Variants in RBFOX1 observed in about 807,000 individuals in gnomAD.
RBFOX1 encodes RNA binding fox-1 homolog 1, also known as RNA binding protein fox-1 homolog 1.
A neutral mutation model predicts 57.7 loss-of-function variants in RBFOX1; 8 were observed. That is an observed-to-expected ratio of 0.14 (90% confidence interval 0.08 to 0.25). The LOEUF is 0.25. Among genes scored for constraint, RBFOX1 ranks in the 10% least tolerant of loss-of-function variants. The pLI is 1.00. For synonymous variants in RBFOX1, 326 were observed against 222.4 expected (o/e 1.47, Z -4.15); for missense variants, 611 against 548.5 (o/e 1.11, Z -1.14).
intron 3 of RBFOX1, among the ~76,000 whole-genome samples, chr16:5,757,837 G>C (rs973440688): frequency 2.6e-5 from 4 of 152,172 alleles, no homozygotes; most frequent in African/African-American, 9.7e-5. Context: ...CTGGGCTCAT[G>C]CTTCTACTAC....
chr16:6,400,425 G>A (rs1231944567), intron 2 of RBFOX1, among the ~76,000 whole-genome samples: 2 of 152,162 alleles, frequency 1.3e-5, no homozygotes, highest in African/African-American at 4.8e-5. Flanking sequence ...CAAGGCTTAT[G>A]GGATCCGGCT....
At chr16:5,736,219 G>T (rs1037781464) in intron 3 of RBFOX1, among the ~76,000 whole-genome samples, 1 of 152,092 alleles carries the variant, frequency 6.6e-6, no homozygotes, top group African/African-American at 2.4e-5. Context: ...GAGCAGTGTC[G>T]AAATGAACCT....
intron 2 of RBFOX1, among the ~76,000 whole-genome samples, chr16:6,386,369 C>T (rs902319589): frequency 6.6e-6 from 1 of 152,178 alleles, no homozygotes; most frequent in Non-Finnish European, 1.5e-5. Context: ...TCTTTAACCA[C>T]TGAGTGTATT....
chr16:6,655,340 C>G (rs976867716), intron 3 of RBFOX1, among the ~76,000 whole-genome samples: 1 of 125,616 alleles, frequency 8.0e-6, no homozygotes. Context: ...CACCAGCGCA[C>G]TCCAGCCTGA....
chr16:7,494,980 A>G (rs566803502), intron 4 of RBFOX1, among the ~76,000 whole-genome samples: 2 of 152,070 alleles, frequency 1.3e-5, no homozygotes, highest in Admixed American at 1.3e-4. Context: ...CCTTCCTGCC[A>G]TTTTAGTAGT....
intron 3 of RBFOX1, among the ~76,000 whole-genome samples, chr16:6,863,945 C>CCTTCTCTTG (rs1397295275): frequency 6.6e-6 from 1 of 150,968 alleles, no homozygotes; most frequent in Admixed American, 6.6e-5. Flanking sequence ...CCTCCTTCTT[C>CCTTCTCTTG]CTTCTCTTGC....
chr16:6,353,499 G>C (rs975992004), intron 2 of RBFOX1, among the ~76,000 whole-genome samples: 2 of 151,876 alleles, frequency 1.3e-5, no homozygotes, highest in African/African-American at 4.8e-5. Context: ...TAAGTGTAGG[G>C]CATGGTGCTG....
chr16:7,181,944 C>T (rs1328574696), intron 4 of RBFOX1, among the ~76,000 whole-genome samples: 1 of 152,144 alleles, frequency 6.6e-6, no homozygotes, highest in Non-Finnish European at 1.5e-5. Flanking sequence ...CGTCGAAATA[C>T]AGGAAGGAAA....
At chr16:5,253,061 A>G (rs1210550557) in intron 1 of RBFOX1, among the ~76,000 whole-genome samples, 2 of 152,150 alleles carry the variant, frequency 1.3e-5, no homozygotes, top group Admixed American at 1.3e-4. Context: ...CTTAATTTTC[A>G]TCTGAAAGAC....
intron 4 of RBFOX1, among the ~76,000 whole-genome samples, chr16:7,264,156 T>G (rs961387952): frequency 6.6e-6 from 1 of 152,156 alleles, no homozygotes; most frequent in African/African-American, 2.4e-5. Context: ...TAAACTGATG[T>G]GCTAGGCTCC....
chr16:7,293,386 C>T (rs2095831890), intron 4 of RBFOX1, among the ~76,000 whole-genome samples: 1 of 152,104 alleles, frequency 6.6e-6, no homozygotes, highest in Non-Finnish European at 1.5e-5. Flanking sequence ...ACCAATCACC[C>T]ATGGATAGTG....
intron 4 of RBFOX1, among the ~76,000 whole-genome samples, chr16:7,491,922 C>T (rs1450019686): frequency 6.6e-6 from 1 of 152,188 alleles, no homozygotes; most frequent in African/African-American, 2.4e-5. Context: ...CATTGTACCA[C>T]TCCGTGTGTT....
intron 4 of RBFOX1, among the ~76,000 whole-genome samples, chr16:7,144,211 G>T (rs1201248707): frequency 6.6e-6 from 1 of 152,056 alleles, no homozygotes; most frequent in African/African-American, 2.4e-5. Context: ...TCCTCTTAAA[G>T]ATTTCCTCAT....
intron 3 of RBFOX1, among the ~76,000 whole-genome samples, chr16:6,823,685 C>G (rs944959968): frequency 6.6e-6 from 1 of 152,176 alleles, no homozygotes; most frequent in African/African-American, 2.4e-5. Flanking sequence ...CATTCTTCTT[C>G]CCTTTTTCAT....
intron 14 of RBFOX1, among the ~76,000 whole-genome samples, chr16:7,707,381 G>C (rs181870624): frequency 6.6e-6 from 1 of 152,220 alleles, no homozygotes; most frequent in East Asian, 1.9e-4. Flanking sequence ...GAGAAAGCTT[G>C]GAAGGAAAAT....
intron 3 of RBFOX1, among the ~76,000 whole-genome samples, chr16:6,671,827 G>C (rs1017658621): frequency 6.6e-6 from 1 of 152,160 alleles, no homozygotes; most frequent in Non-Finnish European, 1.5e-5. Flanking sequence ...GTATTCCATC[G>C]AATCAGCGTA....
chr16:5,696,192 AAG>A (rs1353522080), intron 3 of RBFOX1, among the ~76,000 whole-genome samples: 2 of 152,180 alleles, frequency 1.3e-5, no homozygotes, highest in African/African-American at 4.8e-5. Context: ...AAATCCATGA[AAG>A]AGCTGATGCC....
intron 11 of RBFOX1, among the ~76,000 whole-genome samples, chr16:7,651,712 C>T (rs906315607): frequency 2.6e-5 from 4 of 152,188 alleles, no homozygotes; most frequent in African/African-American, 7.2e-5. Flanking sequence ...GAGAGGTTTG[C>T]TCTTCTGCAG....
chr16:5,960,222 A>G (rs764991540), intron 4 of RBFOX1, among the ~76,000 whole-genome samples: 2 of 152,200 alleles, frequency 1.3e-5, no homozygotes, highest in Non-Finnish European at 2.9e-5. Flanking sequence ...AGAAAGAAAA[A>G]AAGAATAAGA....
Sources: allele counts gnomAD v4.1 joint callset (sites outside exome capture counted in the v4.1 genomes callset), GRCh38; gene constraint gnomAD v4.1.1; transcripts MANE v1.5; gene names NCBI Gene and HGNC (gene_info 2026-07-23, HGNC 2026-07-21).